The following GPC5 variants were observed in gnomAD, a reference collection of about 807,000 sequenced individuals.
GPC5 encodes glypican-5.
GPC5 carries 47 observed loss-of-function variants against 53.9 expected under a neutral mutation model. The observed-to-expected ratio is 0.87, with a 90% CI of 0.69 to 1.11. The LOEUF (loss-of-function observed/expected upper bound fraction) is 1.11, where lower values mean the gene tolerates loss of function less well. GPC5 is among the 50% of genes most tolerant of loss of function. The pLI is 0.00. For missense variants in GPC5, 748 were observed against 713.1 expected, an observed-to-expected ratio of 1.05 and a Z score of -0.56; for synonymous variants, 286 against 263.3, an observed-to-expected ratio of 1.09 and a Z score of -0.84.
intron 2 of GPC5, among the ~76,000 whole-genome samples, chr13:91,572,185 GTATACACACACATATGTA>G (rs1566517456): frequency 0.026 from 1,702 of 64,552 alleles, 108 homozygotes; most frequent in African/African-American, 0.06. Context: ...ATATACGTGT[GTATACACACACATATGTA>G]TATATACGTG....
intron 2 of GPC5, among the ~76,000 whole-genome samples, chr13:91,572,555 G>T (rs1217806471): frequency 6.6e-6 from 1 of 151,976 alleles, no homozygotes; most frequent in African/African-American, 2.4e-5. Context: ...GAGCAAGAGA[G>T]GGGAGGAGGT....
intron 6 of GPC5, among the ~76,000 whole-genome samples, chr13:91,919,045 AT>A (rs2039685872): frequency 6.6e-6 from 1 of 152,090 alleles, no homozygotes; most frequent in African/African-American, 2.4e-5. Flanking sequence ...TTCCATCCTA[AT>A]TACTTCTCCC....
chr13:91,941,073 T>C (rs4773656), intron 6 of GPC5, among the ~76,000 whole-genome samples: 92,613 of 151,938 alleles, frequency 0.61, 28,763 homozygotes, highest in East Asian at 0.74. Context: ...TTGCCAAGGC[T>C]AATGTTAAGA....
At chr13:92,866,135 T>G in intron 7 of GPC5, 147 bp from the exon 8 acceptor site, 1 of 507,852 alleles carries the variant, frequency 2.0e-6, no homozygotes, top group South Asian at 5.2e-5. Context: ...GAAATACCTG[T>G]GTCATATTAA....
intron 7 of GPC5, among the ~76,000 whole-genome samples, chr13:92,559,872 G>C (rs1298896125): frequency 6.6e-6 from 1 of 150,990 alleles, no homozygotes; most frequent in Non-Finnish European, 1.5e-5. Flanking sequence ...CTCCTCATAT[G>C]ACCACAGCTG....
Position 91,618,465 on chromosome 13 carries a change from A to G in GPC5, c.326-74722A>G, listed in dbSNP as rs190133222. 5.0e-3 allele frequency among the ~76,000 whole-genome samples: 761 copies of G among 152,072 alleles called. 3 individuals carry two copies. Among genetic ancestry groups the G allele is most frequent in the Middle Eastern group, 0.014 (4 of 294 alleles). ...AATGTGATTTCAGGCTCTGCTTGGG[A>G]TAGTCCTCTCAGGCATGATCACTAC... On this transcript the variant is annotated intron_variant, in intron 2 of 7. Coordinates refer to ENST00000377067, the MANE Select transcript of GPC5 (RefSeq NM_004466.6).
At chr13:91,519,353 G>A (rs1479296452) in intron 2 of GPC5, among the ~76,000 whole-genome samples, 3 of 152,120 alleles carry the variant, frequency 2.0e-5, no homozygotes, top group Admixed American at 2.0e-4. Context: ...GTTTGGCTCT[G>A]TTTCCCCCAC....
intron 2 of GPC5, among the ~76,000 whole-genome samples, chr13:91,478,728 T>A (rs1883083308): frequency 6.8e-6 from 1 of 147,028 alleles, no homozygotes; most frequent in South Asian, 2.2e-4. Flanking sequence ...TCAGGAGGAT[T>A]GGGCTCAGAT....
intron 6 of GPC5, among the ~76,000 whole-genome samples, chr13:92,079,880 C>T (rs1438050904): frequency 6.6e-6 from 1 of 152,170 alleles, no homozygotes; most frequent in African/African-American, 2.4e-5. Flanking sequence ...GTCAGTGTGC[C>T]ACCTCTAACT....
intron 5 of GPC5, among the ~76,000 whole-genome samples, chr13:91,783,082 A>G (rs1395081796): frequency 2.0e-5 from 3 of 151,996 alleles, no homozygotes; most frequent in Non-Finnish European, 2.9e-5. Context: ...GTGAAACCCC[A>G]TCTCTACTAA....
intron 1 of GPC5, among the ~76,000 whole-genome samples, chr13:91,407,924 T>C (rs986164514): frequency 3.3e-5 from 5 of 152,194 alleles, no homozygotes; most frequent in Non-Finnish European, 5.9e-5. Context: ...TTATTTTAAA[T>C]CGACAGATAA....
intron 7 of GPC5, among the ~76,000 whole-genome samples, chr13:92,151,664 C>T (rs982191831): frequency 2.0e-5 from 3 of 152,118 alleles, no homozygotes; most frequent in Non-Finnish European, 1.5e-5. Context: ...TCAGGTTATA[C>T]TTTCTTTAAG....
At chr13:91,544,894 G>A (rs1414530489) in intron 2 of GPC5, among the ~76,000 whole-genome samples, 1 of 152,188 alleles carries the variant, frequency 6.6e-6, no homozygotes, top group African/African-American at 2.4e-5. Context: ...GGCTGGAGCT[G>A]GAGGGTCTGC....
chr13:91,440,168 C>A lies in GPC5; in HGVS notation c.164-8593C>A, dbSNP rs1055027688. Among the ~76,000 whole-genome samples, 3 of 152,130 alleles carry A rather than the reference C, an allele frequency of 2.0e-5. No homozygotes were observed. The East Asian group carries it at 5.8e-4, about 29-fold the overall frequency. Reference sequence around the variant, plus strand: ...AAATTTACAGTAATTTTTTCATGGACTATTTTACCAGCCCTGTTTTCTCTC... The same window carrying A: ...AAATTTACAGTAATTTTTTCATGGAATATTTTACCAGCCCTGTTTTCTCTC... On this transcript the variant is annotated intron_variant, in intron 1 of 7. Transcript: ENST00000377067.
At chr13:91,548,956 G>A (rs1326537232) in intron 2 of GPC5, among the ~76,000 whole-genome samples, 1 of 152,062 alleles carries the variant, frequency 6.6e-6, no homozygotes, top group African/African-American at 2.4e-5. Context: ...AACTCAAAGT[G>A]GATCATAGAC....
chr13:92,744,275 G>GA (rs932876211), intron 7 of GPC5, among the ~76,000 whole-genome samples: 5 of 152,034 alleles, frequency 3.3e-5, no homozygotes, highest in Admixed American at 3.3e-4. Flanking sequence ...ACAAGATAGG[G>GA]AAAGTGAGAG....
intron 2 of GPC5, among the ~76,000 whole-genome samples, chr13:91,492,772 GT>G (rs1338211435): frequency 6.6e-6 from 1 of 152,132 alleles, no homozygotes; most frequent in Non-Finnish European, 1.5e-5. Flanking sequence ...TCCTTCCAAT[GT>G]GTTAACTTTT....
At chr13:91,677,827 G>T (rs780580399) in intron 2 of GPC5, among the ~76,000 whole-genome samples, 12 of 152,012 alleles carry the variant, frequency 7.9e-5, no homozygotes, top group Non-Finnish European at 1.3e-4. Flanking sequence ...TATTTCTAGT[G>T]CATTTAAAAA....
chr13:92,741,054 G>A (rs1889078020), intron 7 of GPC5, among the ~76,000 whole-genome samples: 1 of 149,830 alleles, frequency 6.7e-6, no homozygotes, highest in Admixed American at 6.7e-5. Context: ...TACCTGGTAG[G>A]CATTCAGTAA....
Sources: gnomAD v4.1 joint callset for allele counts (sites outside exome capture counted in the v4.1 genomes callset) on GRCh38, gnomAD v4.1.1 for gene constraint, MANE v1.5 for transcripts, NCBI Gene and HGNC (gene_info 2026-07-23, HGNC 2026-07-21) for gene names.